Variants in DDX6 observed in about 807,000 individuals in gnomAD.
The protein encoded by DDX6 is DEAD-box helicase 6, also known as probable ATP-dependent RNA helicase DDX6.
A neutral mutation model predicts 60.6 loss-of-function variants in DDX6; 7 were observed. The ratio of observed to expected loss-of-function variants is 0.12; its 90% CI spans 0.07 to 0.22. The LOEUF (loss-of-function observed/expected upper bound fraction) is 0.22, where lower values mean the gene tolerates loss of function less well. Among genes scored for constraint, DDX6 ranks in the 10% least tolerant of loss-of-function variants. The pLI is 1.00. For missense variants in DDX6, 270 were observed against 589.9 expected (o/e 0.46, Z 5.62); for synonymous variants, 207 against 201.0 (o/e 1.03, Z -0.25).
Position 118,751,017 on chromosome 11 carries a change from T to G in DDX6, c.*1088A>C, listed in dbSNP as rs1555157114. 1 of 150,824 alleles carries G rather than the reference T, an allele frequency of 6.6e-6. No homozygotes were observed. Among genetic ancestry groups the G allele is most frequent in the Non-Finnish European group, 1.5e-5 (1 of 67,760 alleles). 9.3% of individuals were successfully genotyped at this position (150,824 alleles called of 1,614,324 possible). ...TCTTTAGCTGCTCCCATAATCACTC[T>G]AATCCCCTTAATCCCAGCAACCTTC... On this transcript the variant is annotated 3_prime_UTR_variant, in exon 14 of 14. Transcript: ENST00000534980.
intron 6 of DDX6, 141 bp from the exon 7 acceptor site, chr11:118,763,447 T>C (rs537492194): frequency 2.8e-5 from 19 of 670,994 alleles, no homozygotes; most frequent in African/African-American, 2.0e-4. Flanking sequence ...GCCTACTCCA[T>C]TGTATAGCTC....
At chr11:118,761,465 A>G (rs1342651068) in intron 7 of DDX6, among the ~76,000 whole-genome samples, 2 of 150,912 alleles carry the variant, frequency 1.3e-5, no homozygotes, top group African/African-American at 2.4e-5. Flanking sequence ...AAAAGTACAA[A>G]ATTAGCCCGG....
chr11:118,771,559 A>C (rs143979689), intron 4 of DDX6, among the ~76,000 whole-genome samples: 1 of 152,368 alleles, frequency 6.6e-6, no homozygotes, highest in Non-Finnish European at 1.5e-5. Context: ...AAGAGAATTC[A>C]AGTCAAGTTC....
intron 8 of DDX6, chr11:118,759,325 TG>T: frequency 6.3e-6 from 1 of 158,018 alleles, no homozygotes; most frequent in South Asian, 1.8e-4. Flanking sequence ...CCCAAAGTGC[TG>T]GGATTACAGG....
chr11:118,769,894 G>A (rs532170523), intron 4 of DDX6, among the ~76,000 whole-genome samples: 4 of 152,122 alleles, frequency 2.6e-5, no homozygotes, highest in African/African-American at 7.2e-5. Context: ...ATTTTTAGTA[G>A]AGACGGGGTT....
rs759167591 is a variant in DDX6 at position 118,786,295 on chromosome 11, AAGTC to A, written c.-48_-45del. The A allele has an allele frequency of 1.3e-6, 2 of 1,529,792 alleles. No individual in the cohort carries two copies. The highest frequency in any genetic ancestry group is 2.8e-5 in the African/African-American group (2 of 72,286). The allele number at this position is 1,529,792 out of a possible 1,614,324, so 94.8% of individuals were successfully genotyped here. On this transcript the variant is annotated 5_prime_UTR_variant, in exon 2 of 14. Transcript: ENST00000534980. ...GTCTTTCAAACTTCAAAACTTTTGA[AAGTC>A]AGTAGAGAAACTGTAATAACAGTTT...
chr11:118,761,294 G>T (rs1388460451), intron 7 of DDX6, among the ~76,000 whole-genome samples: 1 of 152,086 alleles, frequency 6.6e-6, no homozygotes, highest in African/African-American at 2.4e-5. Flanking sequence ...TTTACATAAT[G>T]TAGTAACTAC....
rs1555164577 is a variant in DDX6, at chr11:118,780,993, G to T, written c.264+128C>A. 4.9e-6 allele frequency: 3 copies of T among 608,772 alleles called. No homozygotes were observed. In the East Asian group the frequency reaches 8.5e-5, roughly 17 times the overall value. The allele number at this position is 608,772 out of a possible 1,614,324, so 37.7% of individuals were successfully genotyped here. On this transcript the variant is annotated intron_variant, in intron 3 of 13. Transcript: ENST00000534980. Reference sequence around the variant, plus strand: ...ATATAGCCTGAATATCTATCTTACTGGGTTGGAGGAGGAGGGTGGCAGTGG... The same window carrying T: ...ATATAGCCTGAATATCTATCTTACTTGGTTGGAGGAGGAGGGTGGCAGTGG...
chr11:118,766,899 C>T (rs968485333), intron 5 of DDX6, among the ~76,000 whole-genome samples: 12 of 18,880 alleles, frequency 6.4e-4, no homozygotes, highest in Non-Finnish European at 9.7e-4. Flanking sequence ...GCTGCTTCTT[C>T]GTTTTGAGAC....
At chr11:118,760,140 A>G (rs1861114047) in intron 7 of DDX6, 96 bp from the exon 8 acceptor site, 2 of 1,136,234 alleles carry the variant, frequency 1.8e-6, no homozygotes, top group Non-Finnish European at 2.4e-6. Flanking sequence ...ATCCAACAAA[A>G]GCATCCATGA....
chr11:118,777,284 G>A (rs1215597723), intron 4 of DDX6, among the ~76,000 whole-genome samples: 1 of 152,122 alleles, frequency 6.6e-6, no homozygotes, highest in African/African-American at 2.4e-5. Context: ...CACAGGGTTT[G>A]TCCTTAGCAC....
In DDX6 at chr11:118,755,515, A is replaced by G. The variant is rs537963698; in HGVS notation, c.1175-12T>C. The stretch of plus-strand genomic sequence containing the variant: ...TCGGGTAAACAGATCTTAAAAAAAA[A>G]AAGATAATTTTCATTTTTTCAATTT... On this transcript the variant is annotated splice_polypyrimidine_tract_variant and intron_variant, in intron 11 of 13. Coordinates refer to ENST00000534980, the MANE Select transcript of DDX6 (RefSeq NM_004397.6). 2.7e-4 allele frequency: 395 copies of G among 1,461,056 alleles called. 6 individuals carry two copies. In the South Asian group the frequency reaches 4.5e-3, roughly 16 times the overall value. 90.5% of individuals were successfully genotyped at this position (1,461,056 alleles called of 1,614,324 possible).
chr11:118,783,058 A>G (rs1005144975), intron 2 of DDX6, among the ~76,000 whole-genome samples: 4 of 151,032 alleles, frequency 2.6e-5, no homozygotes, highest in South Asian at 2.1e-4. Context: ...CAAGAAATTT[A>G]TAATCTTATG....
chr11:118,784,935 GGGGTTTATTTTTAGTAGAGACA>G (rs1862025210), intron 2 of DDX6, among the ~76,000 whole-genome samples: 1 of 152,030 alleles, frequency 6.6e-6, no homozygotes, highest in African/African-American at 2.4e-5. Context: ...TAGTAGAGAC[GGGGTTTATTTTTAGTAGAGACA>G]AGGTTTCTCC....
At chr11:118,767,381 C>T (rs1274031161) in intron 5 of DDX6, among the ~76,000 whole-genome samples, 1 of 152,246 alleles carries the variant, frequency 6.6e-6, no homozygotes, top group Middle Eastern at 3.4e-3. Context: ...AATTACAGAT[C>T]ACGAAAGCTA....
intron 2 of DDX6, among the ~76,000 whole-genome samples, chr11:118,782,622 C>G (rs1420437153): frequency 6.7e-6 from 1 of 148,212 alleles, no homozygotes; most frequent in African/African-American, 2.5e-5. Flanking sequence ...CTACCAATTC[C>G]AAGACTACTA....
At chr11:118,775,548 AG>A (rs1555163447) in intron 4 of DDX6, among the ~76,000 whole-genome samples, 1 of 152,218 alleles carries the variant, frequency 6.6e-6, no homozygotes, top group Admixed American at 6.5e-5. Context: ...ATAAAAAAAA[AG>A]AAAAAGGCAA....
At chr11:118,752,590 T>C (rs1263539254) in intron 13 of DDX6, among the ~76,000 whole-genome samples, 1 of 152,066 alleles carries the variant, frequency 6.6e-6, no homozygotes, top group Admixed American at 6.6e-5. Context: ...CTGGCCAACA[T>C]GGTAAATCCT....
At position 118,749,025 on chromosome 11, in the gene DDX6, C is replaced by G. The variant is rs1178828045; in HGVS notation, c.*3080G>C. On this transcript the variant is annotated 3_prime_UTR_variant, in exon 14 of 14. Coordinates refer to ENST00000534980, the MANE Select transcript of DDX6 (RefSeq NM_004397.6). ...ATTTAGGTTTCCCTCTCTCTTACTT[C>G]TGTGAAAGATCATTTTAGAATAAAT... 1 of 152,156 alleles carries G rather than the reference C, an allele frequency of 6.6e-6. No homozygotes were observed. Among genetic ancestry groups the G allele is most frequent in the African/African-American group, 2.4e-5 (1 of 41,446 alleles). 9.4% of individuals were successfully genotyped at this position (152,156 alleles called of 1,614,324 possible).
Sources: allele counts gnomAD v4.1 joint callset (sites outside exome capture counted in the v4.1 genomes callset), GRCh38; gene constraint gnomAD v4.1.1; transcripts MANE v1.5; gene names NCBI Gene and HGNC (gene_info 2026-07-23, HGNC 2026-07-21).